AGBL4: variants seen among roughly 807,000 people sequenced by gnomAD.
AGBL4 encodes the protein AGBL carboxypeptidase 4, also known as cytosolic carboxypeptidase 6.
Under a neutral mutation model 66.4 loss-of-function variants are expected in AGBL4, and 58 were observed. The observed-to-expected ratio is 0.87, with a 90% CI of 0.71 to 1.09. AGBL4 has a LOEUF of 1.09. AGBL4 is among the 50% of genes least tolerant of loss of function. The probability of loss-of-function intolerance (pLI) is 0.00; values close to 1 mark genes in which losing one functional copy is unlikely to be tolerated. For synonymous variants in AGBL4, 234 were observed against 222.9 expected (o/e 1.05, Z -0.44); for missense variants, 579 against 631.0 (o/e 0.92, Z 0.88).
chr1:48,804,323 C>G (rs1404173759), intron 6 of AGBL4, among the ~76,000 whole-genome samples: 2 of 152,212 alleles, frequency 1.3e-5, no homozygotes, highest in East Asian at 3.8e-4. Context: ...CATGAGCTCC[C>G]TAGCTTCAGA....
chr1:49,467,512 A>G (rs1646655671), intron 3 of AGBL4, among the ~76,000 whole-genome samples: 1 of 151,790 alleles, frequency 6.6e-6, no homozygotes, highest in Non-Finnish European at 1.5e-5. Flanking sequence ...CCAAGACACT[A>G]TGTGCATCTA....
intron 3 of AGBL4, among the ~76,000 whole-genome samples, chr1:49,366,306 A>G (rs1644240305): frequency 6.6e-6 from 1 of 152,194 alleles, no homozygotes; most frequent in South Asian, 2.1e-4. Context: ...TGGTGAATGA[A>G]TGAATGAATA....
chr1:49,976,457 T>C (rs1658564396), intron 1 of AGBL4, among the ~76,000 whole-genome samples: 1 of 152,140 alleles, frequency 6.6e-6, no homozygotes. Flanking sequence ...GCCATGATAG[T>C]TCGAAAAAGG....
rs558743306 is a variant in AGBL4, at chr1:48,845,618, T to G, written c.634+21573A>C. ...ACCTCCCACCCCAAGAGCTGAAGCA[T>G]AGCTAACTTAGCTAGCATTGTACCC... On this transcript the variant is annotated intron_variant, in intron 6 of 13. Transcript: ENST00000371839. Among the ~76,000 whole-genome samples the G allele has an allele frequency of 4.5e-4, 68 of 152,332 alleles. No homozygotes were observed. The Middle Eastern group carries it at 0.014, about 30-fold the overall frequency.
chr1:48,626,514 A>G (rs1290605942), intron 9 of AGBL4, among the ~76,000 whole-genome samples: 1 of 152,240 alleles, frequency 6.6e-6, no homozygotes, highest in African/African-American at 2.4e-5. Flanking sequence ...AGTTCTGCCC[A>G]TCAGTGGATC....
intron 11 of AGBL4, among the ~76,000 whole-genome samples, chr1:48,570,075 AC>A (rs1644535068): frequency 6.6e-6 from 1 of 152,246 alleles, no homozygotes; most frequent in Non-Finnish European, 1.5e-5. Flanking sequence ...TGGAACAGCC[AC>A]TGACCATAAA....
At chr1:48,621,463 T>G (rs897823096) in intron 9 of AGBL4, among the ~76,000 whole-genome samples, 1 of 152,170 alleles carries the variant, frequency 6.6e-6, no homozygotes, top group Non-Finnish European at 1.5e-5. Flanking sequence ...CTTCCATAAT[T>G]TTTTTCTAGT....
chr1:49,348,489 C>G (rs1238563891), intron 3 of AGBL4, among the ~76,000 whole-genome samples: 3 of 152,062 alleles, frequency 2.0e-5, no homozygotes, highest in Non-Finnish European at 4.4e-5. Context: ...GGAGAAAACA[C>G]ATGCACAGAT....
At chr1:48,714,983 T>A (rs946099807) in intron 6 of AGBL4, among the ~76,000 whole-genome samples, 4 of 152,122 alleles carry the variant, frequency 2.6e-5, no homozygotes, top group Non-Finnish European at 4.4e-5. Context: ...AGTATTCAGA[T>A]AAACACAACA....
intron 5 of AGBL4, among the ~76,000 whole-genome samples, chr1:48,974,114 T>G (rs1174727673): frequency 6.6e-6 from 1 of 151,904 alleles, no homozygotes; most frequent in African/African-American, 2.4e-5. Flanking sequence ...TCAGATATGA[T>G]GTAGGTACTC....
chr1:49,488,561 T>A (rs1032061316), intron 3 of AGBL4, among the ~76,000 whole-genome samples: 2 of 151,808 alleles, frequency 1.3e-5, no homozygotes, highest in Non-Finnish European at 1.5e-5. Flanking sequence ...CCAATGATAC[T>A]CTTTTAGTTA....
intron 6 of AGBL4, among the ~76,000 whole-genome samples, chr1:48,862,112 C>G (rs1647528520): frequency 6.6e-6 from 1 of 152,160 alleles, no homozygotes; most frequent in African/African-American, 2.4e-5. Context: ...TGATTCATAA[C>G]TCAAAGTCCC....
At chr1:49,499,720 C>CATATATATATATAT (rs151053487) in intron 3 of AGBL4, among the ~76,000 whole-genome samples, 1 of 145,346 alleles carries the variant, frequency 6.9e-6, no homozygotes. Flanking sequence ...GAATGGTATT[C>CATATATATATATAT]ATATATATAT....
intron 3 of AGBL4, among the ~76,000 whole-genome samples, chr1:49,675,381 A>C (rs752385939): frequency 5.9e-5 from 9 of 152,088 alleles, no homozygotes; most frequent in Non-Finnish European, 7.4e-5. Flanking sequence ...ATACACATGA[A>C]CATACAGAGG....
chr1:49,343,371 C>T (rs1379250351), intron 3 of AGBL4, among the ~76,000 whole-genome samples: 1 of 152,144 alleles, frequency 6.6e-6, no homozygotes, highest in Admixed American at 6.5e-5. Context: ...AATTACTCTG[C>T]ATTATGAGAG....
At chr1:49,083,871 C>T (rs1007716595) in intron 4 of AGBL4, among the ~76,000 whole-genome samples, 1 of 152,212 alleles carries the variant, frequency 6.6e-6, no homozygotes, top group African/African-American at 2.4e-5. Flanking sequence ...ATCCAAGTCA[C>T]ATGCTTTGCT....
intron 3 of AGBL4, among the ~76,000 whole-genome samples, chr1:49,568,626 G>A (rs1228059224): frequency 6.6e-6 from 1 of 151,690 alleles, no homozygotes; most frequent in Non-Finnish European, 1.5e-5. Flanking sequence ...TACCAATGAT[G>A]TTCTTCATAG....
rs547237705 is a variant in AGBL4 at position 49,744,960 on chromosome 1, CTG to C, written c.158-47525_158-47524del. 1.9e-3 allele frequency among the ~76,000 whole-genome samples: 282 copies of C among 152,100 alleles called. 4 individuals are homozygous for C. The highest frequency in any genetic ancestry group is 6.6e-3 in the African/African-American group (273 of 41,528). On this transcript the variant is annotated intron_variant, in intron 2 of 13. Coordinates refer to ENST00000371839, the MANE Select transcript of AGBL4 (RefSeq NM_032785.4). ...AAAATAATTTAAATGGTACACTAGA[CTG>C]TTTCTAATAGTATGATAGTAGTGAA... is the stretch of plus-strand genomic sequence containing the variant.
chr1:49,156,655 A>AG (rs1646436169), intron 4 of AGBL4, among the ~76,000 whole-genome samples: 2 of 152,182 alleles, frequency 1.3e-5, no homozygotes, highest in Non-Finnish European at 1.5e-5. Flanking sequence ...TTACCCAGAG[A>AG]GGAAAAAAGA....
Sources: allele counts gnomAD v4.1 joint callset (sites outside exome capture counted in the v4.1 genomes callset), GRCh38; gene constraint gnomAD v4.1.1; transcripts MANE v1.5; gene names NCBI Gene and HGNC (gene_info 2026-07-23, HGNC 2026-07-21).